Variants in METTL9 observed in about 807,000 individuals in gnomAD.
The protein encoded by METTL9 is methyltransferase 9, His-X-His N1(pi)-histidine.
METTL9 carries 10 observed loss-of-function variants against 36.0 expected under a neutral mutation model. That is an observed-to-expected ratio of 0.28 (90% CI 0.17 to 0.47). The LOEUF is 0.47. METTL9 is among the 20% of genes least tolerant of loss of function. METTL9 has a pLI of 0.99. For synonymous variants in METTL9, 175 were observed against 149.7 expected, an observed-to-expected ratio of 1.17 and a Z score of -1.23; for missense variants, 246 against 383.5, an observed-to-expected ratio of 0.64 and a Z score of 3.00.
intron 1 of METTL9, among the ~76,000 whole-genome samples, chr16:21,600,250 G>T (rs1008565186): frequency 6.6e-6 from 1 of 152,192 alleles, no homozygotes. Flanking sequence ...CGTGGCTGGG[G>T]GCGCCCGCCT....
In METTL9 at chr16:21,599,804, T is replaced by C; in HGVS notation, c.71T>C (p.Leu24Pro). The C allele has an allele frequency of 6.5e-7, 1 of 1,548,176 alleles. No individual in the cohort carries two copies. The highest frequency in any genetic ancestry group is 1.9e-5 in the Admixed American group (1 of 53,122). ...SVWLARRMWTLRSPLTRSLYV... is the reference protein window; with the variant it reads ...SVWLARRMWTPRSPLTRSLYV... ...TGGCTGGCGCGGAGGATGTGGACGC[T>C]GCGGAGCCCGCTCACCCGCTCCCTG... Residue 24 changes from leucine (L) to proline (P), a missense_variant, in exon 1 of 5, where the codon CTG (leucine) becomes CCG (proline). This residue lies in a region of METTL9 where 100 missense variants were observed against 81.4 expected (regional missense o/e 1.23). Coordinates refer to ENST00000358154, the MANE Select transcript of METTL9 (RefSeq NM_016025.5). The surrounding 1 kb of genome is among the most constrained non-coding windows in gnomAD (Gnocchi z 4.4).
intron 4 of METTL9, among the ~76,000 whole-genome samples, chr16:21,645,958 T>C (rs1403541315): frequency 6.6e-6 from 1 of 152,166 alleles, no homozygotes; most frequent in East Asian, 1.9e-4. Flanking sequence ...AAAGCACAGG[T>C]TATAATACTG....
chr16:21,647,628 A>G (rs1286017986), intron 4 of METTL9: 6 of 1,146,222 alleles, frequency 5.2e-6, no homozygotes, highest in Middle Eastern at 6.0e-4. Flanking sequence ...GACTAAAAAT[A>G]AACACCAGTG....
intron 4 of METTL9, chr16:21,652,061 T>C (rs1428295728): frequency 6.6e-6 from 1 of 151,878 alleles, no homozygotes; most frequent in African/African-American, 2.4e-5. Context: ...CTTTCATAGA[T>C]AAAAAAACAG....
chr16:21,650,508 C>CAAAAAAAAAAA (rs3046229), intron 4 of METTL9, among the ~76,000 whole-genome samples: 1 of 89,990 alleles, frequency 1.1e-5, no homozygotes, highest in Non-Finnish European at 2.2e-5. Context: ...ACTCTTGTCT[C>CAAAAAAAAAAA]AAAAAAAAAA....
At chr16:21,618,110 G>A (rs368870205) in intron 3 of METTL9, 36 bp downstream of exon 3, 1 of 1,384,322 alleles carries the variant, frequency 7.2e-7, no homozygotes, top group African/African-American at 1.5e-5. Flanking sequence ...ATTTCTTCTT[G>A]AAAGTATATT....
intron 4 of METTL9, among the ~76,000 whole-genome samples, chr16:21,637,231 AG>A (rs2141603216): frequency 6.6e-6 from 1 of 152,288 alleles, no homozygotes; most frequent in African/African-American, 2.4e-5. Context: ...TCCATTTTAC[AG>A]AGCACTGATT....
At chr16:21,654,960 G>C (rs545854042) in intron 4 of METTL9, 9 of 478,440 alleles carry the variant, frequency 1.9e-5, no homozygotes, top group African/African-American at 1.4e-4. Context: ...ACAGTGTGGG[G>C]CCTTGGATCC....
intron 4 of METTL9, among the ~76,000 whole-genome samples, chr16:21,626,470 A>G (rs1965817356): frequency 6.6e-6 from 1 of 152,126 alleles, no homozygotes; most frequent in South Asian, 2.1e-4. Flanking sequence ...TGCTTGTCTT[A>G]ATATTTACCA....
intron 4 of METTL9, among the ~76,000 whole-genome samples, chr16:21,636,332 C>T (rs1966091759): frequency 6.6e-6 from 1 of 152,160 alleles, no homozygotes; most frequent in African/African-American, 2.4e-5. Flanking sequence ...TTATGTCTTT[C>T]TGATTGGTGA....
At chr16:21,601,089 AG>A (rs1172813561) in intron 1 of METTL9, among the ~76,000 whole-genome samples, 1 of 152,210 alleles carries the variant, frequency 6.6e-6, no homozygotes, top group African/African-American at 2.4e-5. Flanking sequence ...CTATTGTTAA[AG>A]GAATCCTAAA....
chr16:21,629,764 C>T (rs1363286734), intron 4 of METTL9, among the ~76,000 whole-genome samples: 1 of 152,170 alleles, frequency 6.6e-6, no homozygotes, highest in East Asian at 1.9e-4. Context: ...CTTGGGTGGC[C>T]TGCTTTTATT....
At chr16:21,613,833 GTTTT>G (rs11326723) in intron 2 of METTL9, among the ~76,000 whole-genome samples, 1 of 134,036 alleles carries the variant, frequency 7.5e-6, no homozygotes, top group African/African-American at 2.8e-5. Context: ...AGTTTTTTTT[GTTTT>G]TTTTTTTTTT....
intron 4 of METTL9, among the ~76,000 whole-genome samples, chr16:21,642,794 A>G (rs776823049): frequency 6.6e-6 from 1 of 152,184 alleles, no homozygotes; most frequent in Admixed American, 6.5e-5. Flanking sequence ...TATCCTTTTA[A>G]AGCATCATTG....
chr16:21,636,557 G>A (rs1189194419), intron 4 of METTL9, among the ~76,000 whole-genome samples: 1 of 152,174 alleles, frequency 6.6e-6, no homozygotes, highest in Non-Finnish European at 1.5e-5. Flanking sequence ...AGTCTCGCTT[G>A]GGCGACATTG....
chr16:21,656,635 G>A lies in METTL9; in HGVS notation c.*1203G>A, dbSNP rs1966717391. 6.6e-6 allele frequency: 1 copy of A among 152,074 alleles called. No homozygotes were observed. Among genetic ancestry groups the A allele is most frequent in the Non-Finnish European group, 1.5e-5 (1 of 68,018 alleles). The allele number at this position is 152,074 out of a possible 1,614,324, so 9.4% of individuals were successfully genotyped here. ...AACAGAAATGTCAATATGAGATTGT[G>A]GTTATTAACAATATGTTATCCTCAC... On this transcript the variant is annotated 3_prime_UTR_variant, in exon 5 of 5. Transcript: ENST00000358154.
chr16:21,602,658 A>G (rs1486092040), intron 1 of METTL9, among the ~76,000 whole-genome samples: 2 of 111,476 alleles, frequency 1.8e-5, no homozygotes, highest in Non-Finnish European at 3.6e-5. Flanking sequence ...GTGTCTACAA[A>G]TAAAGTGTTT....
At chr16:21,652,383 G>T in intron 4 of METTL9, 1 of 528,458 alleles carries the variant, frequency 1.9e-6, no homozygotes, top group South Asian at 3.6e-5. Flanking sequence ...CTATTTCTCA[G>T]GGGAAAAAGG....
chr16:21,604,306 T>C (rs188899792), intron 1 of METTL9, among the ~76,000 whole-genome samples: 4 of 152,318 alleles, frequency 2.6e-5, no homozygotes, highest in African/African-American at 9.6e-5. Flanking sequence ...GTGCTGGATA[T>C]ACCAGGAGTC....
Sources: gnomAD v4.1 joint callset for allele counts (sites outside exome capture counted in the v4.1 genomes callset) on GRCh38, gnomAD v4.1.1 for gene constraint, gnomAD v4.1.1 regional missense constraint, Gnocchi (gnomAD v3.1) non-coding constraint, MANE v1.5 for transcripts, NCBI Gene and HGNC (gene_info 2026-07-23, HGNC 2026-07-21) for gene names.